Variants in MROH7 observed in about 807,000 individuals in gnomAD.
MROH7 encodes maestro heat like repeat family member 7, also known as maestro heat-like repeat-containing protein family member 7.
A neutral mutation model predicts 129.2 loss-of-function variants in MROH7; 113 were observed. That is an observed-to-expected ratio of 0.87 (90% CI 0.75 to 1.02). The LOEUF is 1.02. Among genes scored for constraint, MROH7 ranks in the 50% least tolerant of loss-of-function variants. The pLI, the probability that MROH7 is intolerant of heterozygous loss-of-function variation, is 0.00. For synonymous variants in MROH7, 655 were observed against 667.9 expected, an observed-to-expected ratio of 0.98 and a Z score of 0.30; for missense variants, 1,601 against 1,671.3, an observed-to-expected ratio of 0.96 and a Z score of 0.73.
intron 22 of MROH7, among the ~76,000 whole-genome samples, chr1:54,707,670 C>T (rs894911060): frequency 7.9e-5 from 12 of 152,146 alleles, no homozygotes; most frequent in African/African-American, 2.9e-4. Flanking sequence ...GTGTCTAACA[C>T]CCTGGGAATC....
At position 54,702,123 on chromosome 1, in the gene MROH7, C is replaced by T. The variant is rs373000422; in HGVS notation, c.3319C>T (p.Leu1107=). 7 of 1,611,046 alleles carry T rather than the reference C, an allele frequency of 4.3e-6. No individual in the cohort carries two copies. The African/African-American group carries it at 9.4e-5, about 22-fold the overall frequency. ...GGTCGTGCGCTCCTCCTGCATCAAC[C>T]TGTATGGGAAGGTGGTCCAGAAGCT... ...REVVRSSCIN[L]YGKVVQKLRA... is the part of the protein sequence containing the mutation. The change falls in exon 20 of 24, where the codon CTG becomes TTG. Residue 1107 remains leucine, a synonymous_variant. Coordinates refer to ENST00000421030, the MANE Select transcript of MROH7 (RefSeq NM_001039464.4).
Position 54,673,190 on chromosome 1 carries a change from C to A in MROH7, c.1695+4C>A. 1 of 1,607,956 alleles carries A rather than the reference C, an allele frequency of 6.2e-7. No homozygotes were observed. ...TGGGCTGAAGAGCATCTTGGAGGTG[C>A]GGAGATGGGAGGGGCAAGGAAGGGA... On this transcript the variant is annotated splice_donor_region_variant and intron_variant, in intron 8 of 23. Transcript: ENST00000421030.
chr1:54,654,474 C>A (rs1029038355), intron 3 of MROH7, among the ~76,000 whole-genome samples: 4 of 152,056 alleles, frequency 2.6e-5, no homozygotes, highest in African/African-American at 9.7e-5. Context: ...GAGTTTGAGA[C>A]CAGCCTGGCC....
intron 7 of MROH7, among the ~76,000 whole-genome samples, chr1:54,671,855 C>A (rs1468829852): frequency 6.6e-6 from 1 of 151,406 alleles, no homozygotes; most frequent in Non-Finnish European, 1.5e-5. Context: ...CGAATAAGTG[C>A]AAAATTACAC....
intron 10 of MROH7, among the ~76,000 whole-genome samples, chr1:54,678,065 G>A (rs188191488): frequency 2.4e-4 from 36 of 152,306 alleles, no homozygotes; most frequent in Admixed American, 7.8e-4. Flanking sequence ...ACATGTGCTG[G>A]CAAGATGTGG....
Position 54,653,941 on chromosome 1 carries a change from C to A in MROH7, c.1015C>A (p.Leu339Met). Residue 339 changes from leucine (L) to methionine (M), a missense_variant, in exon 3 of 24, where the codon CTG becomes ATG. Leu to Met is a conservative substitution (Grantham distance 15). Coordinates refer to ENST00000421030, the MANE Select transcript of MROH7 (RefSeq NM_001039464.4). ...LILGSNETLS[L>M]DSSLLFSDTS... is the part of the protein sequence containing the mutation. The stretch of plus-strand genomic sequence containing the variant: ...CCTGGGTTCCAATGAGACTCTGAGC[C>A]TGGACTCCAGCCTCCTGTTCAGCGA... 6.2e-7 allele frequency: 1 copy of A among 1,614,204 alleles called. No homozygotes were observed. The highest frequency in any genetic ancestry group is 8.5e-7 in the Non-Finnish European group (1 of 1,180,042).
chr1:54,667,651 T>A (rs534161416), intron 4 of MROH7, among the ~76,000 whole-genome samples: 4 of 152,012 alleles, frequency 2.6e-5, no homozygotes, highest in African/African-American at 9.7e-5. Flanking sequence ...AGACAGGGTT[T>A]CATCATATTG....
intron 11 of MROH7, 48 bp from the exon 12 acceptor site, chr1:54,679,214 AG>A (rs1645028745): frequency 1.9e-6 from 3 of 1,599,788 alleles, no homozygotes; most frequent in African/African-American, 2.7e-5. Flanking sequence ...CGAAGCTCAA[AG>A]CTCGGGCTAC....
In MROH7 at chr1:54,686,368, C is replaced by T. The variant is rs533437381; in HGVS notation, c.2631C>T (p.Ile877=). Residue 877 remains isoleucine (I), a synonymous_variant, in exon 15 of 24, where the codon ATC becomes ATT. Coordinates refer to ENST00000421030, the MANE Select transcript of MROH7 (RefSeq NM_001039464.4). ...TGCTCATTCAGGTCCATTACCACAT[C>T]GGCCTCAACCTGCCTGGCTGCGTGG... ...LALLIQVHYH[I]GLNLPGCVAP... is the part of the protein sequence containing the mutation. 23 of 1,614,180 alleles carry T rather than the reference C, an allele frequency of 1.4e-5. No individual in the cohort carries two copies. The highest frequency in any genetic ancestry group is 2.2e-5 in the South Asian group (2 of 91,088).
intron 13 of MROH7, among the ~76,000 whole-genome samples, chr1:54,681,061 C>G (rs539514886): frequency 3.3e-5 from 5 of 152,230 alleles, no homozygotes; most frequent in Admixed American, 6.5e-5. Context: ...CTCCTCCTTG[C>G]GGGGGTCCTT....
rs1557726849 is a variant in MROH7, at chr1:54,699,123, T to TTTCTTTCTTTC, written c.2965-1195_2965-1185dup. The TTTCTTTCTTTC allele has an allele frequency of 1.5e-4, 14 of 90,638 alleles. No individual in the cohort carries two copies. In the East Asian group the frequency reaches 1.8e-3, roughly 12 times the overall value. The allele number at this position is 90,638 out of a possible 1,614,324, so 5.6% of individuals were successfully genotyped here. The stretch of plus-strand genomic sequence containing the variant: ...CTTTCTTTCTTTCTTTCTTTCTTTC[T>TTTCTTTCTTTC]TTCTTTCTTTCTTTCTTTCTTTCTT... On this transcript the variant is annotated intron_variant, in intron 17 of 23. Coordinates refer to ENST00000421030, the MANE Select transcript of MROH7 (RefSeq NM_001039464.4).
At chr1:54,688,232 A>T (rs11206411) in intron 15 of MROH7, among the ~76,000 whole-genome samples, 28 of 132,304 alleles carry the variant, frequency 2.1e-4, no homozygotes, top group South Asian at 4.9e-4. Context: ...AAAAAAAAAA[A>T]TTTTTTTTTT....
chr1:54,694,231 A>G (rs992479353), intron 16 of MROH7, among the ~76,000 whole-genome samples: 1 of 152,268 alleles, frequency 6.6e-6, no homozygotes, highest in Non-Finnish European at 1.5e-5. Flanking sequence ...ATGGAAGCCC[A>G]GAGAAGTTAA....
At chr1:54,659,578 T>G (rs1644700995) in intron 3 of MROH7, among the ~76,000 whole-genome samples, 1 of 152,142 alleles carries the variant, frequency 6.6e-6, no homozygotes, top group African/African-American at 2.4e-5. Context: ...CTTAGCCTCC[T>G]GAGTAGCTGG....
intron 3 of MROH7, chr1:54,664,188 C>T (rs1644777320): frequency 6.5e-6 from 1 of 155,024 alleles, no homozygotes; most frequent in Non-Finnish European, 1.4e-5. Context: ...CCAGCTTCAC[C>T]TAGCTACATG....
At chr1:54,678,714 C>T in intron 10 of MROH7, 28 bp from the exon 11 acceptor site, 1 of 1,516,136 alleles carries the variant, frequency 6.6e-7, no homozygotes, top group Non-Finnish European at 9.2e-7. Flanking sequence ...GGAGATCCGG[C>T]CTCACTGAGA....
Position 54,682,918 on chromosome 1 carries a change from CT to C in MROH7, c.2520+126del, listed in dbSNP as rs373112268. On this transcript the variant is annotated intron_variant, in intron 14 of 23. Coordinates refer to ENST00000421030, the MANE Select transcript of MROH7 (RefSeq NM_001039464.4). The stretch of plus-strand genomic sequence containing the variant: ...CTCTGCCAGTAACTAGTTGTGTGGT[CT>C]TGGGCAGGTCTCTGGCTCTGGCTCT... The C allele has an allele frequency of 6.9e-4, 760 of 1,095,168 alleles. 12 individuals carry two copies. The East Asian group carries it at 0.018, about 26-fold the overall frequency. The allele number at this position is 1,095,168 out of a possible 1,614,324, so 67.8% of individuals were successfully genotyped here.
At chr1:54,706,634 G>T in intron 22 of MROH7, 97 bp downstream of exon 22, 2 of 879,906 alleles carry the variant, frequency 2.3e-6, no homozygotes, top group South Asian at 1.4e-5. Context: ...CACCTGGGGG[G>T]ATGCTTCCCT....
chr1:54,651,610 G>C (rs1020528172), intron 1 of MROH7: 1 of 152,386 alleles, frequency 6.6e-6, no homozygotes. Flanking sequence ...GCCAGATACA[G>C]AGGGCCTTTT....
Sources: gnomAD v4.1 joint callset for allele counts (sites outside exome capture counted in the v4.1 genomes callset) on GRCh38, gnomAD v4.1.1 for gene constraint, MANE v1.5 for transcripts, NCBI Gene and HGNC (gene_info 2026-07-23, HGNC 2026-07-21) for gene names.